Variants in MED25 observed in about 807,000 individuals in gnomAD.
The protein encoded by MED25 is mediator complex subunit 25.
A neutral mutation model predicts 89.4 loss-of-function variants in MED25; 62 were observed. That is an observed-to-expected ratio of 0.69 (90% CI 0.57 to 0.86). The LOEUF (loss-of-function observed/expected upper bound fraction) is 0.86. Ranked by LOEUF, MED25 falls within the 40% of genes least tolerant of loss-of-function variation. The probability of loss-of-function intolerance (pLI) is 0.00; values close to 1 mark genes in which losing one functional copy is unlikely to be tolerated. For synonymous variants in MED25, 449 were observed against 427.9 expected (o/e 1.05, Z -0.61); for missense variants, 905 against 1,005.2 (o/e 0.90, Z 1.35).
intron 13 of MED25, chr19:49,832,825 C>T: frequency 3.2e-6 from 1 of 313,282 alleles, no homozygotes; most frequent in South Asian, 2.8e-5. Context: ...CACGCTCTCT[C>T]TAGAGGCTGG....
chr19:49,828,611 T>A, intron 4 of MED25, 64 bp downstream of exon 4: 1 of 1,325,286 alleles, frequency 7.5e-7, no homozygotes, highest in Non-Finnish European at 1.1e-6. Context: ...CCACTTTGCC[T>A]GTCGAGTGGT....
rs2074081905 is a variant in MED25 at position 49,834,578 on chromosome 19, C to T, written c.1483-408C>T. 9.9e-6 allele frequency: 3 copies of T among 303,282 alleles called. No individual in the cohort carries two copies. Among genetic ancestry groups the T allele is most frequent in the South Asian group, 3.2e-5 (1 of 31,538 alleles). The allele number at this position is 303,282 out of a possible 1,614,324, so 18.8% of individuals were successfully genotyped here. ...AGGGCTGGAGGATCTCTTGGATACC[C>T]GGGGTCCGACCCACCGTTGATCACA... On this transcript the variant is annotated intron_variant, in intron 13 of 17. Coordinates refer to ENST00000312865, the MANE Select transcript of MED25 (RefSeq NM_030973.4). This position sits in a 1 kb window ranked among gnomAD's most constrained non-coding sequence, Gnocchi z 4.1.
downstream of MED25, chr19:49,837,117 C>G (rs2074105060): frequency 3.0e-6 from 2 of 677,336 alleles, no homozygotes; most frequent in Admixed American, 4.4e-5. Context: ...TGGTGAGTCA[C>G]AGGCAGTCTG....
chr19:49,822,262 CA>C (rs1220883878), intron 3 of MED25, among the ~76,000 whole-genome samples: 1,062 of 48,916 alleles, frequency 0.022, 4 homozygotes, highest in Admixed American at 0.046. Flanking sequence ...GACTCTGTCT[CA>C]AAAAAAAAAA....
chr19:49,831,897 A>G lies in MED25; in HGVS notation c.1231-39A>G. The G allele has an allele frequency of 6.4e-7, 1 of 1,572,384 alleles. No individual in the cohort carries two copies. The highest frequency in any genetic ancestry group is 8.8e-7 in the Non-Finnish European group (1 of 1,142,058). ...TGAGGGCTCAAGGGGACTGAGGCTT[A>G]TGGCCCTTTTTACTGACATGCTCTT... On this transcript the variant is annotated intron_variant, in intron 10 of 17. Coordinates refer to ENST00000312865, the MANE Select transcript of MED25 (RefSeq NM_030973.4). The surrounding 1 kb of genome is among the most constrained non-coding windows in gnomAD (Gnocchi z 5.0).
At chr19:49,819,050 G>C (rs1189566978) in intron 2 of MED25, 122 bp from the exon 3 acceptor site, 11 of 1,242,192 alleles carry the variant, frequency 8.9e-6, no homozygotes, top group African/African-American at 3.0e-5. Flanking sequence ...TGGGTCTGAG[G>C]AAGGAGGAAG....
intron 1 of MED25, 23 bp downstream of exon 1, chr19:49,818,498 T>G: frequency 6.2e-7 from 1 of 1,614,204 alleles, no homozygotes; most frequent in Non-Finnish European, 8.5e-7. Context: ...TCCGCGACTC[T>G]AACCCCGCCC....
Position 49,836,798 on chromosome 19 carries a change from G to C in MED25, c.2147-49G>C, listed in dbSNP as rs2074102089. On this transcript the variant is annotated intron_variant, in intron 17 of 17. Coordinates refer to ENST00000312865, the MANE Select transcript of MED25 (RefSeq NM_030973.4). This position sits in a 1 kb window ranked among gnomAD's most constrained non-coding sequence, Gnocchi z 5.1. ...AACTTAGTGCCTCTGGGCCCTCCTG[G>C]GCCCAAGGGCCTACTGGGAGATGCA... 6.8e-7 allele frequency: 1 copy of C among 1,469,954 alleles called. No individual in the cohort carries two copies. The highest frequency in any genetic ancestry group is 9.5e-7 in the Non-Finnish European group (1 of 1,056,894). 91.1% of individuals were successfully genotyped at this position (1,469,954 alleles called of 1,614,324 possible). A position where few individuals can be genotyped will look rare whatever the true frequency, so the allele number is the denominator to read the frequency against.
downstream of MED25, chr19:49,839,086 G>A: frequency 3.4e-6 from 1 of 290,598 alleles, no homozygotes; most frequent in South Asian, 3.2e-5. Flanking sequence ...ATTGATTGTG[G>A]CCTTTTCTTT....
In MED25 at chr19:49,836,881, G is replaced by A. The variant is rs775431728; in HGVS notation, c.2181G>A (p.Pro727=). Residue 727 remains proline (P), a synonymous_variant, in exon 18 of 18, where the codon CCG becomes CCA. Coordinates refer to ENST00000312865, the MANE Select transcript of MED25 (RefSeq NM_030973.4). The surrounding 1 kb of genome is among the most constrained non-coding windows in gnomAD (Gnocchi z 5.1). ...TGCTGAGCGGGGGTCCCCGGGGCCCGGTCCCCCAGCCGGGCCTGCAGCCCA... is the reference window on the plus strand; with the variant it reads ...TGCTGAGCGGGGGTCCCCGGGGCCCAGTCCCCCAGCCGGGCCTGCAGCCCA... The part of the protein sequence containing the change: ...QMLLSGGPRG[P]VPQPGLQPSV... 33 of 1,612,262 alleles carry A rather than the reference G, an allele frequency of 2.0e-5. No homozygotes were observed. The African/African-American group carries it at 2.4e-4, about 12-fold the overall frequency.
chr19:49,836,771 A>G lies in MED25; in HGVS notation c.2147-76A>G. 8.7e-7 allele frequency: 1 copy of G among 1,146,332 alleles called. No homozygotes were observed. The highest frequency in any genetic ancestry group is 2.5e-5 in the East Asian group (1 of 40,300). The allele number at this position is 1,146,332 out of a possible 1,614,324, so 71.0% of individuals were successfully genotyped here. ...GTTGGGTCCCCCAAGGGCTGCCTAG[A>G]AAACTTAGTGCCTCTGGGCCCTCCT... On this transcript the variant is annotated intron_variant, in intron 17 of 17. Coordinates refer to ENST00000312865, the MANE Select transcript of MED25 (RefSeq NM_030973.4). This position sits in a 1 kb window ranked among gnomAD's most constrained non-coding sequence, Gnocchi z 5.1.
At chr19:49,827,913 C>T (rs762759639) in intron 3 of MED25, among the ~76,000 whole-genome samples, 2 of 152,078 alleles carry the variant, frequency 1.3e-5, no homozygotes, top group Non-Finnish European at 2.9e-5. Context: ...TTTCCCATTC[C>T]CTCCCAGTCC....
chr19:49,824,400 G>A (rs2074001858), intron 3 of MED25, among the ~76,000 whole-genome samples: 1 of 152,072 alleles, frequency 6.6e-6, no homozygotes, highest in Non-Finnish European at 1.5e-5. Flanking sequence ...AAATGAATTA[G>A]TATGTAATAC....
rs1368000406 is a variant in MED25 at position 49,835,865 on chromosome 19, C to A, written c.1885C>A (p.Pro629Thr). 2 of 1,612,406 alleles carry A rather than the reference C, an allele frequency of 1.2e-6. No individual in the cohort carries two copies. Among genetic ancestry groups the A allele is most frequent in the South Asian group, 1.1e-5 (1 of 91,084 alleles). Reference protein sequence around the residue: ...QGPPGAASGPPPPGPILRPQN... With the variant: ...QGPPGAASGPTPPGPILRPQN... The stretch of plus-strand genomic sequence containing the variant: ...CCCTCCTGGAGCAGCTTCTGGCCCA[C>A]CCCCTCCTGGACCCATCCTTCGGCC... The change falls in exon 16 of 18, where the codon CCC becomes ACC. Residue 629 changes from proline to threonine, a missense_variant. Physicochemically the swap from Pro to Thr is conservative, Grantham distance 38. Coordinates refer to ENST00000312865, the MANE Select transcript of MED25 (RefSeq NM_030973.4). This position sits in a 1 kb window ranked among gnomAD's most constrained non-coding sequence, Gnocchi z 6.2.
intron 3 of MED25, among the ~76,000 whole-genome samples, chr19:49,827,141 G>A (rs572561392): frequency 6.6e-6 from 1 of 152,240 alleles, no homozygotes; most frequent in South Asian, 2.1e-4. Flanking sequence ...TCAGAGGGGT[G>A]CTCGGTCTCC....
Position 49,835,250 on chromosome 19 carries a change from T to A in MED25, c.1674+73T>A. Reference sequence around the variant, plus strand: ...GGGCCCCACATGGCCCCCTGGGGTCTCCAGGACCAAGATGCCCACCCTTCT... The same window carrying A: ...GGGCCCCACATGGCCCCCTGGGGTCACCAGGACCAAGATGCCCACCCTTCT... On this transcript the variant is annotated intron_variant, in intron 14 of 17. Coordinates refer to ENST00000312865, the MANE Select transcript of MED25 (RefSeq NM_030973.4). This position sits in a 1 kb window ranked among gnomAD's most constrained non-coding sequence, Gnocchi z 6.2. 6.6e-7 allele frequency: 1 copy of A among 1,517,324 alleles called. No homozygotes were observed. The highest frequency in any genetic ancestry group is 9.1e-7 in the Non-Finnish European group (1 of 1,092,926). The allele number at this position is 1,517,324 out of a possible 1,614,324, so 94.0% of individuals were successfully genotyped here.
At position 49,835,535 on chromosome 19, in the gene MED25, T is replaced by A; in HGVS notation, c.1676T>A (p.Met559Lys). 6.4e-7 allele frequency: 1 copy of A among 1,557,564 alleles called. No individual in the cohort carries two copies. The highest frequency in any genetic ancestry group is 1.4e-5 in the African/African-American group (1 of 73,552). ...ACCTGCCCCTCTCTCCCCGTGCAGA[T>A]GGGGGGACAGCAGGCACCCCCAGGG... ...QQKLEQQQRG[M>K]GGQQAPPGLG... Residue 559 changes from methionine to lysine, a missense_variant and splice_region_variant, in exon 15 of 18, where the codon ATG becomes AAG. Coordinates refer to ENST00000312865, the MANE Select transcript of MED25 (RefSeq NM_030973.4). The surrounding 1 kb of genome is among the most constrained non-coding windows in gnomAD (Gnocchi z 6.2).
Position 49,836,516 on chromosome 19 carries a change from A to C in MED25, c.2146+110A>C. The C allele has an allele frequency of 7.4e-7, 1 of 1,351,566 alleles. No homozygotes were observed. Among genetic ancestry groups the C allele is most frequent in the Non-Finnish European group, 1.0e-6 (1 of 965,860 alleles). 83.7% of individuals were successfully genotyped at this position (1,351,566 alleles called of 1,614,324 possible). A position where few individuals can be genotyped will look rare whatever the true frequency, so the allele number is the denominator to read the frequency against. ...GGAAGTAAAGACATAGGATCCAAGA[A>C]TGAGGGTTCCCCCATGGCCTTTGCG... On this transcript the variant is annotated intron_variant, in intron 17 of 17. Coordinates refer to ENST00000312865, the MANE Select transcript of MED25 (RefSeq NM_030973.4). This position sits in a 1 kb window ranked among gnomAD's most constrained non-coding sequence, Gnocchi z 5.1.
chr19:49,822,154 T>C (rs2073987035), intron 3 of MED25, among the ~76,000 whole-genome samples: 1 of 149,952 alleles, frequency 6.7e-6, no homozygotes, highest in Non-Finnish European at 1.5e-5. Context: ...TCCCAGCTAC[T>C]CGGGAGGCTG....
Sources: allele counts gnomAD v4.1 joint callset (sites outside exome capture counted in the v4.1 genomes callset), GRCh38; gene constraint gnomAD v4.1.1; non-coding constraint Gnocchi (gnomAD v3.1); transcripts MANE v1.5; gene names NCBI Gene and HGNC (gene_info 2026-07-23, HGNC 2026-07-21).